The following KIAA1755 variants were observed in gnomAD, a reference collection of about 807,000 sequenced individuals.
KIAA1755 encodes KIAA1755, also known as uncharacterized protein KIAA1755.
KIAA1755 carries 68 observed loss-of-function variants against 91.7 expected under a neutral mutation model. That is an observed-to-expected ratio of 0.74 (90% CI 0.61 to 0.91). The LOEUF (loss-of-function observed/expected upper bound fraction) is 0.91. Among genes scored for constraint, KIAA1755 ranks in the 40% least tolerant of loss-of-function variants. The pLI is 0.00. For missense variants in KIAA1755, 1,535 were observed against 1,494.4 expected (o/e 1.03, Z -0.45); for synonymous variants, 610 against 604.6 (o/e 1.01, Z -0.13).
Position 38,239,679 on chromosome 20 carries a change from G to A in KIAA1755, c.1596C>T (p.Ser532=). The A allele has an allele frequency of 6.2e-7, 1 of 1,612,166 alleles. No homozygotes were observed. Among genetic ancestry groups the A allele is most frequent in the Non-Finnish European group, 8.5e-7 (1 of 1,179,548 alleles). The change falls in exon 4 of 14, where the codon AGC becomes AGT. Residue 532 remains serine, a synonymous_variant. Coordinates refer to ENST00000279024, the MANE Select transcript of KIAA1755 (RefSeq NM_001029864.2). Reference sequence around the variant, plus strand: ...AGGCAGCCTTTTCCTCAGTCAGTGGGCTGGGGGCAGTGGCTGGGCCAGATG... The same window carrying A: ...AGGCAGCCTTTTCCTCAGTCAGTGGACTGGGGGCAGTGGCTGGGCCAGATG... ...TKTSGPATAP[S]PLTEEKAALP... is the part of the protein sequence containing the mutation.
chr20:38,235,355 C>A (rs1307474996), intron 4 of KIAA1755, among the ~76,000 whole-genome samples: 1 of 151,906 alleles, frequency 6.6e-6, no homozygotes. Flanking sequence ...ATGCCCTAAT[C>A]CCCAGAACCT....
intron 1 of KIAA1755, among the ~76,000 whole-genome samples, chr20:38,257,588 A>G (rs549148008): frequency 6.6e-6 from 1 of 152,006 alleles, no homozygotes; most frequent in East Asian, 1.9e-4. Context: ...CTAAAAAAAA[A>G]AAAAAAAAAA....
At chr20:38,243,754 C>T (rs2076107446) in intron 2 of KIAA1755, among the ~76,000 whole-genome samples, 1 of 152,192 alleles carries the variant, frequency 6.6e-6, no homozygotes, top group Non-Finnish European at 1.5e-5. Context: ...GCTGGAGAGG[C>T]AGACTTTGAG....
At chr20:38,237,844 T>C (rs1006989533) in intron 4 of KIAA1755, among the ~76,000 whole-genome samples, 73 of 151,340 alleles carry the variant, frequency 4.8e-4, no homozygotes, top group African/African-American at 1.7e-3. Context: ...GGGAGTCATG[T>C]GGGGAATGAG....
chr20:38,216,569 C>T (rs192559134), intron 13 of KIAA1755, among the ~76,000 whole-genome samples: 20 of 152,334 alleles, frequency 1.3e-4, no homozygotes, highest in Middle Eastern at 6.8e-3. Context: ...CTCTCCCAGG[C>T]TGCTCCTTTG....
chr20:38,224,879 G>A (rs937175873), intron 8 of KIAA1755, among the ~76,000 whole-genome samples: 1 of 152,186 alleles, frequency 6.6e-6, no homozygotes, highest in African/African-American at 2.4e-5. Context: ...ACACAGGAAA[G>A]GAGCCCAACA....
At chr20:38,214,143 G>A (rs937079722) in intron 13 of KIAA1755, among the ~76,000 whole-genome samples, 10 of 152,024 alleles carry the variant, frequency 6.6e-5, no homozygotes, top group Non-Finnish European at 1.3e-4. Flanking sequence ...GTAGGACGGG[G>A]TTTCACCTTG....
At chr20:38,218,975 T>TA (rs1273438218) in intron 11 of KIAA1755, among the ~76,000 whole-genome samples, 1 of 152,282 alleles carries the variant, frequency 6.6e-6, no homozygotes, top group African/African-American at 2.4e-5. Flanking sequence ...TGGGGCATCT[T>TA]AAAGAGCCTA....
rs2076122050 is a variant in KIAA1755, at chr20:38,244,628, T to C, written c.201+1301A>G. ...GAGCAGGGAACAGTAGGGAAACCCA[T>C]GAAGGGAATGGCAAGTTCCTGTGGT... is the stretch of plus-strand genomic sequence containing the variant. On this transcript the variant is annotated intron_variant, in intron 2 of 13. Coordinates refer to ENST00000279024, the MANE Select transcript of KIAA1755 (RefSeq NM_001029864.2). 5.9e-5 allele frequency among the ~76,000 whole-genome samples: 9 copies of C among 152,282 alleles called. No homozygotes were observed. The South Asian group carries it at 1.9e-3, about 32-fold the overall frequency.
intron 12 of KIAA1755, 50 bp from the exon 13 acceptor site, chr20:38,217,524 G>C (rs1421653881): frequency 7.1e-7 from 1 of 1,410,348 alleles, no homozygotes; most frequent in South Asian, 1.2e-5. Flanking sequence ...CTTGGCTGGG[G>C]CCTCCCTCGG....
At position 38,213,468 on chromosome 20, in the gene KIAA1755, C is replaced by T. The variant is rs757716285; in HGVS notation, c.3177G>A (p.Glu1059=). ...GGCGCGCTGAGTGAGCAGCTGGAGC[C>T]TCTGGGCAAGAGCTGTGGGTCAGTG... ...EKALTHSSCP[E]APAAHSARPE... is the part of the protein sequence containing the mutation. Residue 1059 remains glutamate (E), a synonymous_variant, in exon 14 of 14, where the codon GAG becomes GAA. Transcript: ENST00000279024. 1.2e-6 allele frequency: 2 copies of T among 1,605,804 alleles called. No homozygotes were observed. Among genetic ancestry groups the T allele is most frequent in the Admixed American group, 3.4e-5 (2 of 58,786 alleles).
At chr20:38,258,492 T>TTAA (rs567054666) in intron 1 of KIAA1755, among the ~76,000 whole-genome samples, 114 of 152,286 alleles carry the variant, frequency 7.5e-4, no homozygotes, top group African/African-American at 2.6e-3. Flanking sequence ...TAGACAGCTG[T>TTAA]TAATCAAATG....
chr20:38,243,591 C>G (rs1238368045), intron 2 of KIAA1755, among the ~76,000 whole-genome samples: 1 of 152,224 alleles, frequency 6.6e-6, no homozygotes, highest in Non-Finnish European at 1.5e-5. Context: ...GATGATGCAA[C>G]TGAGGCTCAG....
At chr20:38,234,553 G>A (rs1157903379) in intron 4 of KIAA1755, among the ~76,000 whole-genome samples, 3 of 152,166 alleles carry the variant, frequency 2.0e-5, no homozygotes, top group African/African-American at 4.8e-5. Context: ...AACTTTGATG[G>A]GCCTGGGGAT....
At chr20:38,230,952 C>A (rs1400777303) in intron 5 of KIAA1755, among the ~76,000 whole-genome samples, 1 of 151,996 alleles carries the variant, frequency 6.6e-6, no homozygotes, top group Non-Finnish European at 1.5e-5. Context: ...ATCACACTGA[C>A]ACTCCTGAAA....
chr20:38,231,063 CA>C, intron 5 of KIAA1755, 138 bp downstream of exon 5: 1 of 912,644 alleles, frequency 1.1e-6, no homozygotes, highest in East Asian at 2.9e-5. Flanking sequence ...TTTCCCCCGG[CA>C]TCTGTCTGGG....
chr20:38,247,553 A>G (rs762580089), intron 1 of KIAA1755, among the ~76,000 whole-genome samples: 9 of 152,204 alleles, frequency 5.9e-5, no homozygotes, highest in Non-Finnish European at 8.8e-5. Flanking sequence ...TAGTACCCCT[A>G]TTACAGCGGT....
At chr20:38,245,536 C>T (rs2076142770) in intron 2 of KIAA1755, among the ~76,000 whole-genome samples, 1 of 152,196 alleles carries the variant, frequency 6.6e-6, no homozygotes, top group African/African-American at 2.4e-5. Context: ...AGTCCTGATG[C>T]CTCAGGGGCT....
rs1487610835 is a variant in KIAA1755, at chr20:38,239,606, C to A, written c.1669G>T (p.Glu557Ter). 2 of 1,606,502 alleles carry A rather than the reference C, an allele frequency of 1.2e-6. No individual in the cohort carries two copies. Among genetic ancestry groups the A allele is most frequent in the Non-Finnish European group, 1.7e-6 (2 of 1,177,532 alleles). ...CTGGGCTCAGGCCCTGGGGGCTCCT[C>A]CTCCAGGGTGGGGCCTCTTTCTGGG... ...GSPERGPTLE[E>*]EPPGPEPRIG... The change falls in exon 4 of 14, where the codon GAG becomes TAG. Residue 557 changes from glutamate (E) to a stop codon, truncating the protein, a stop_gained. Coordinates refer to ENST00000279024, the MANE Select transcript of KIAA1755 (RefSeq NM_001029864.2). LOFTEE classifies it high-confidence loss of function.
Sources: allele counts gnomAD v4.1 joint callset (sites outside exome capture counted in the v4.1 genomes callset), GRCh38; gene constraint gnomAD v4.1.1; transcripts MANE v1.5; gene names NCBI Gene and HGNC (gene_info 2026-07-23, HGNC 2026-07-21).